SRPK1: variants seen among roughly 807,000 people sequenced by gnomAD.
SRPK1 encodes the protein SRSF protein kinase 1.
SRPK1 carries 52 observed loss-of-function variants against 89.5 expected under a neutral mutation model. The observed-to-expected ratio is 0.58, with a 90% CI of 0.46 to 0.73. The LOEUF is 0.73. SRPK1 is among the 30% of genes least tolerant of loss of function. The pLI is 0.00. For missense variants in SRPK1, 603 were observed against 780.6 expected (o/e 0.77, Z 2.71); for synonymous variants, 255 against 270.2 (o/e 0.94, Z 0.55).
At chr6:35,908,919 T>C (rs1288617597) in intron 2 of SRPK1, among the ~76,000 whole-genome samples, 1 of 152,198 alleles carries the variant, frequency 6.6e-6, no homozygotes, top group Non-Finnish European at 1.5e-5. Context: ...CAGAAGTCAA[T>C]AATTGAATCT....
At chr6:35,887,789 G>GT (rs1215582436) in intron 5 of SRPK1, 364 of 343,302 alleles carry the variant, frequency 1.1e-3, no homozygotes, top group Middle Eastern at 1.6e-3. Flanking sequence ...CATTTGAAAG[G>GT]TTTTTTTTTG....
At chr6:35,854,652 A>G (rs1561971479) in intron 13 of SRPK1, among the ~76,000 whole-genome samples, 2 of 152,180 alleles carry the variant, frequency 1.3e-5, no homozygotes. Flanking sequence ...GCCTGACATT[A>G]GAAATACTTT....
intron 2 of SRPK1, among the ~76,000 whole-genome samples, chr6:35,909,067 C>T (rs1770906947): frequency 6.6e-6 from 1 of 152,254 alleles, no homozygotes; most frequent in South Asian, 2.1e-4. Context: ...CACACAGAGT[C>T]TGCACCGGGG....
intron 12 of SRPK1, among the ~76,000 whole-genome samples, chr6:35,868,287 T>A (rs1769951978): frequency 6.6e-6 from 1 of 152,148 alleles, no homozygotes; most frequent in African/African-American, 2.4e-5. Flanking sequence ...CCTGGCTAAC[T>A]GAAGTATCCT....
chr6:35,899,724 G>A (rs989438412), intron 2 of SRPK1, among the ~76,000 whole-genome samples: 12 of 152,136 alleles, frequency 7.9e-5, no homozygotes, highest in African/African-American at 1.7e-4. Context: ...CTTTGGGGCC[G>A]GGCACGGTGG....
chr6:35,874,396 G>T, intron 6 of SRPK1, 57 bp from the exon 7 acceptor site: 1 of 1,165,504 alleles, frequency 8.6e-7, no homozygotes, highest in Non-Finnish European at 1.3e-6. Context: ...GGCAAGACAA[G>T]CTGTGAATTC....
chr6:35,892,376 C>T (rs1770535311), intron 2 of SRPK1, among the ~76,000 whole-genome samples: 1 of 151,962 alleles, frequency 6.6e-6, no homozygotes, highest in African/African-American at 2.4e-5. Flanking sequence ...AAGCAGGGTA[C>T]CTCTGGGCCT....
chr6:35,878,112 A>G (rs575974517), intron 6 of SRPK1, among the ~76,000 whole-genome samples: 1 of 152,336 alleles, frequency 6.6e-6, no homozygotes, highest in South Asian at 2.1e-4. Context: ...AGGTGAAAGT[A>G]TGTGCTTTTT....
intron 6 of SRPK1, among the ~76,000 whole-genome samples, chr6:35,878,146 G>A (rs1056767406): frequency 3.3e-5 from 5 of 152,134 alleles, no homozygotes; most frequent in Non-Finnish European, 7.3e-5. Context: ...AAATCATAAA[G>A]GTAAAGATTC....
Position 35,900,977 on chromosome 6 carries a change from GAT to G in SRPK1, c.75-9966_75-9965del, listed in dbSNP as rs145039210. On this transcript the variant is annotated intron_variant, in intron 2 of 15. Coordinates refer to ENST00000373825, the MANE Select transcript of SRPK1 (RefSeq NM_003137.5). The stretch of plus-strand genomic sequence containing the variant: ...AAGGCCAGCCTGAGCAACACAGTGA[GAT>G]TTCCATCTCTTAAATAACAAAAAAC... 1.7e-3 allele frequency among the ~76,000 whole-genome samples: 262 copies of G among 152,268 alleles called. 6 individuals carry two copies. The South Asian group carries it at 0.026, about 15-fold the overall frequency.
At chr6:35,917,554 C>T (rs973788377) in intron 2 of SRPK1, among the ~76,000 whole-genome samples, 2 of 152,114 alleles carry the variant, frequency 1.3e-5, no homozygotes, top group African/African-American at 4.8e-5. Flanking sequence ...ATCCCAAAGT[C>T]AAATACTCCA....
chr6:35,913,774 G>T (rs1482789531), intron 2 of SRPK1, among the ~76,000 whole-genome samples: 7 of 150,480 alleles, frequency 4.7e-5, no homozygotes, highest in Admixed American at 4.0e-4. Flanking sequence ...CTCCAGTCTG[G>T]GTGACAGAGC....
chr6:35,864,971 G>A (rs893612025), intron 12 of SRPK1, among the ~76,000 whole-genome samples: 14 of 152,282 alleles, frequency 9.2e-5, no homozygotes, highest in South Asian at 4.1e-4. Flanking sequence ...TTATTTGTGG[G>A]AGCTAAAAAT....
chr6:35,918,945 G>A (rs1463735259), intron 2 of SRPK1, among the ~76,000 whole-genome samples: 1 of 152,110 alleles, frequency 6.6e-6, no homozygotes, highest in Non-Finnish European at 1.5e-5. Flanking sequence ...TGAGAGACCA[G>A]GATTTCTAAA....
In SRPK1 at chr6:35,835,436, T is replaced by C. The variant is rs377009907; in HGVS notation, c.1836A>G (p.Leu612=). ...KLKPWGLFEV[L]VEKYEWSQEE... The stretch of plus-strand genomic sequence containing the variant: ...CCTGCGACCACTCATACTTCTCCAC[T>C]AGAACCTCAAAAAGGCCCCAAGGTT... The change falls in exon 16 of 16, where the codon CTA becomes CTG. Residue 612 remains leucine, a synonymous_variant. Coordinates refer to ENST00000373825, the MANE Select transcript of SRPK1 (RefSeq NM_003137.5). The C allele has an allele frequency of 2.5e-6, 4 of 1,613,600 alleles. No individual in the cohort carries two copies. Among genetic ancestry groups the C allele is most frequent in the Non-Finnish European group, 2.5e-6 (3 of 1,179,820 alleles).
rs768150388 is a variant in SRPK1, at chr6:35,869,500, C to T, written c.1393G>A (p.Gly465Arg). 1.5e-5 allele frequency: 25 copies of T among 1,613,324 alleles called. 1 individual carries two copies. Among genetic ancestry groups the T allele is most frequent in the South Asian group, 1.2e-4 (11 of 91,056 alleles). Residue 465 changes from glycine to arginine, a missense_variant, in exon 11 of 16, where the codon GGA becomes AGA. By Grantham distance (125) the Gly-to-Arg change is moderately radical. Coordinates refer to ENST00000373825, the MANE Select transcript of SRPK1 (RefSeq NM_003137.5). ...CEDEQEQEHN[G>R]PLDNKGKSTA... ...TAGGTACCTTTGTTGTCCAGTGGTC[C>T]GTTATGTTCTTGCTCTTGTTCATCT...
At chr6:35,914,471 G>A (rs1408036944) in intron 2 of SRPK1, among the ~76,000 whole-genome samples, 3 of 152,120 alleles carry the variant, frequency 2.0e-5, no homozygotes, top group African/African-American at 7.2e-5. Context: ...CCACTGCTTT[G>A]CCTAGAGCAG....
rs528841207 is a variant in SRPK1 at position 35,902,024 on chromosome 6, T to C, written c.75-11011A>G. Among the ~76,000 whole-genome samples, 43 of 152,084 alleles carry C rather than the reference T, an allele frequency of 2.8e-4. No individual in the cohort carries two copies. The East Asian group carries it at 6.2e-3, about 22-fold the overall frequency. ...GGTGACTATACTCCAAACTCTACCATATATACACACACATATATATAAATA... is the reference window on the plus strand; with the variant it reads ...GGTGACTATACTCCAAACTCTACCACATATACACACACATATATATAAATA... On this transcript the variant is annotated intron_variant, in intron 2 of 15. Coordinates refer to ENST00000373825, the MANE Select transcript of SRPK1 (RefSeq NM_003137.5).
In SRPK1 at chr6:35,899,090, C is replaced by T. The variant is rs542907347; in HGVS notation, c.75-8077G>A. On this transcript the variant is annotated intron_variant, in intron 2 of 15. Coordinates refer to ENST00000373825, the MANE Select transcript of SRPK1 (RefSeq NM_003137.5). ...GCAGGAGAATCGCTTGAACCTGGGA[C>T]GTGGAAGTTGTAGTGAGCTGGGATC... 3.3e-5 allele frequency among the ~76,000 whole-genome samples: 5 copies of T among 152,028 alleles called. No homozygotes were observed. The East Asian group carries it at 7.8e-4, about 24-fold the overall frequency.
Sources: gnomAD v4.1 joint callset for allele counts (sites outside exome capture counted in the v4.1 genomes callset) on GRCh38, gnomAD v4.1.1 for gene constraint, MANE v1.5 for transcripts, NCBI Gene and HGNC (gene_info 2026-07-23, HGNC 2026-07-21) for gene names.